SEC22B: variants seen among roughly 807,000 people sequenced by gnomAD.
SEC22B encodes SEC22 homolog B, vesicle trafficking protein.
A neutral mutation model predicts 31.4 loss-of-function variants in SEC22B; 10 were observed. The observed-to-expected ratio is 0.32, with a 90% CI of 0.20 to 0.54. The LOEUF (loss-of-function observed/expected upper bound fraction) is 0.54, where lower values mean the gene tolerates loss of function less well. Ranked by LOEUF, SEC22B falls within the 20% of genes least tolerant of loss-of-function variation. The pLI is 0.94. For synonymous variants in SEC22B, 60 were observed against 95.9 expected, an observed-to-expected ratio of 0.63 and a Z score of 2.19; for missense variants, 130 against 263.4, an observed-to-expected ratio of 0.49 and a Z score of 3.50.
At chr1:120,162,935 T>C (rs1657742814) in intron 3 of SEC22B, among the ~76,000 whole-genome samples, 1 of 152,138 alleles carries the variant, frequency 6.6e-6, no homozygotes, top group African/African-American at 2.4e-5. Context: ...TCCTGTCACA[T>C]GTGACTCTAA....
At chr1:120,157,521 T>C (rs1369050702) in intron 4 of SEC22B, 1 of 172,480 alleles carries the variant, frequency 5.8e-6, no homozygotes, top group Non-Finnish European at 1.2e-5. Flanking sequence ...TTGGGGATAA[T>C]AACAGTAACT....
rs1657625012 is a variant in SEC22B at position 120,156,253 on chromosome 1, C to T, written c.*785G>A. On this transcript the variant is annotated 3_prime_UTR_variant, in exon 5 of 5. Transcript: ENST00000578049. ...GGGGCCTCTCCATATCCTATACTTGCTCTTACGCTAATAACAAACCAAATG... is the reference window on the plus strand; with the variant it reads ...GGGGCCTCTCCATATCCTATACTTGTTCTTACGCTAATAACAAACCAAATG... 1 of 152,236 alleles carries T rather than the reference C, an allele frequency of 6.6e-6. No individual in the cohort carries two copies. Among genetic ancestry groups the T allele is most frequent in the African/African-American group, 2.4e-5 (1 of 41,406 alleles). The allele number at this position is 152,236 out of a possible 1,614,324, so 9.4% of individuals were successfully genotyped here.
intron 2 of SEC22B, among the ~76,000 whole-genome samples, chr1:120,166,764 T>G (rs1459383129): frequency 4.0e-5 from 6 of 149,412 alleles, no homozygotes; most frequent in Non-Finnish European, 8.9e-5. Context: ...TTACCACGTA[T>G]TTTCAAAAAG....
intron 2 of SEC22B, among the ~76,000 whole-genome samples, chr1:120,164,644 C>T (rs1487906666): frequency 0.024 from 3,615 of 151,466 alleles, 37 homozygotes; most frequent in African/African-American, 0.084. Context: ...TGTATATATA[C>T]TACATTTTCT....
At position 120,176,278 on chromosome 1, in the gene SEC22B, GGGTCGCGGGTCGTGAGTAAGCA is replaced by G. The variant is rs1657961832; in HGVS notation, c.75+7_75+28del. On this transcript the variant is annotated splice_region_variant and intron_variant, in intron 1 of 4. Transcript: ENST00000578049. Reference sequence around the variant, plus strand: ...GGCAAAGCGCGCTGACAGAGACTTGGGGTCGCGGGTCGTGAGTAAGCAGCTCACCTGTTCGTCCTCCTGCATC... The same window carrying G: ...GGCAAAGCGCGCTGACAGAGACTTGGGCTCACCTGTTCGTCCTCCTGCATC... 1 of 1,600,154 alleles carries G rather than the reference GGGTCGCGGGTCGTGAGTAAGCA, an allele frequency of 6.2e-7. No homozygotes were observed. The highest frequency in any genetic ancestry group is 8.5e-7 in the Non-Finnish European group (1 of 1,176,498).
At chr1:120,168,369 ATAAC>A (rs1478220851) in intron 2 of SEC22B, among the ~76,000 whole-genome samples, 2 of 152,174 alleles carry the variant, frequency 1.3e-5, no homozygotes, top group Non-Finnish European at 2.9e-5. Flanking sequence ...CAAAATAATA[ATAAC>A]TAATAATTAT....
chr1:120,155,920 AC>A lies in SEC22B; in HGVS notation c.*1117del, dbSNP rs1657621409. 1 of 151,630 alleles carries A rather than the reference AC, an allele frequency of 6.6e-6. No individual in the cohort carries two copies. Among genetic ancestry groups the A allele is most frequent in the Non-Finnish European group, 1.5e-5 (1 of 67,740 alleles). 9.4% of individuals were successfully genotyped at this position (151,630 alleles called of 1,614,324 possible). On this transcript the variant is annotated 3_prime_UTR_variant, in exon 5 of 5. Transcript: ENST00000578049. ...TCTCAGAGAATTTACACGAACTAAA[AC>A]AGGAATGAAGTGCTCTCAGAGACTT...
Position 120,151,745 on chromosome 1 carries a change from G to A in SEC22B, c.*5293C>T, listed in dbSNP as rs1657543878. 6.6e-6 allele frequency: 1 copy of A among 151,806 alleles called. No individual in the cohort carries two copies. The highest frequency in any genetic ancestry group is 1.9e-4 in the East Asian group (1 of 5,166). The allele number at this position is 151,806 out of a possible 1,614,324, so 9.4% of individuals were successfully genotyped here. A position where few individuals can be genotyped will look rare whatever the true frequency, so the allele number is the denominator to read the frequency against. On this transcript the variant is annotated 3_prime_UTR_variant, in exon 5 of 5. Transcript: ENST00000578049. ...GGACATGTGTAACAAAATCAGTAAG[G>A]AGGGTACTCCAAGAATCCATGTTAA...
intron 1 of SEC22B, among the ~76,000 whole-genome samples, chr1:120,169,555 A>T (rs1279971388): frequency 1.3e-5 from 2 of 152,176 alleles, no homozygotes; most frequent in African/African-American, 2.4e-5. Context: ...AAAAGTTTGA[A>T]TATCGAGGGA....
chr1:120,176,290 G>C lies in SEC22B; in HGVS notation c.75+17C>G. ...TGACAGAGACTTGGGGTCGCGGGTCGTGAGTAAGCAGCTCACCTGTTCGTC... is the reference window on the plus strand; with the variant it reads ...TGACAGAGACTTGGGGTCGCGGGTCCTGAGTAAGCAGCTCACCTGTTCGTC... On this transcript the variant is annotated intron_variant, in intron 1 of 4. Transcript: ENST00000578049. The C allele has an allele frequency of 3.7e-6, 6 of 1,606,524 alleles. No individual in the cohort carries two copies. In the South Asian group the frequency reaches 6.6e-5, roughly 18 times the overall value.
chr1:120,161,550 C>G (rs1218372867), intron 3 of SEC22B, among the ~76,000 whole-genome samples: 3 of 152,172 alleles, frequency 2.0e-5, no homozygotes, highest in African/African-American at 7.2e-5. Flanking sequence ...CCGAAATTAG[C>G]TAGCTGGTCA....
intron 3 of SEC22B, among the ~76,000 whole-genome samples, chr1:120,160,890 T>C (rs1657705103): frequency 7.4e-6 from 1 of 135,566 alleles, no homozygotes; most frequent in South Asian, 2.3e-4. Flanking sequence ...AGACTCTGTC[T>C]CAAAAACAAA....
intron 1 of SEC22B, among the ~76,000 whole-genome samples, chr1:120,170,939 CTTTAA>C (rs1342843335): frequency 7.9e-6 from 1 of 125,834 alleles, no homozygotes; most frequent in Admixed American, 7.2e-5. Flanking sequence ...ATGCAAATTT[CTTTAA>C]TTTAATAAAA....
chr1:120,163,838 A>G (rs1202465900), intron 2 of SEC22B, among the ~76,000 whole-genome samples: 2 of 151,482 alleles, frequency 1.3e-5, no homozygotes, highest in East Asian at 1.9e-4. Context: ...TCAGCCTCCC[A>G]AAGTGCTGGG....
chr1:120,165,652 C>T (rs1158459532), intron 2 of SEC22B, among the ~76,000 whole-genome samples: 14 of 151,902 alleles, frequency 9.2e-5, no homozygotes, highest in South Asian at 2.1e-4. Context: ...TGTCTCTTCA[C>T]TGTGTTGTTT....
In SEC22B at chr1:120,154,154, T is replaced by G. The variant is rs1350563548; in HGVS notation, c.*2884A>C. ...TGCTCTGGAATTACTTCTGCCTGTA[T>G]GATTAAGTTCCTCATTGTTAAATTC... On this transcript the variant is annotated 3_prime_UTR_variant, in exon 5 of 5. Transcript: ENST00000578049. 6.6e-6 allele frequency: 1 copy of G among 152,096 alleles called. No homozygotes were observed. The highest frequency in any genetic ancestry group is 2.4e-5 in the African/African-American group (1 of 41,428). The allele number at this position is 152,096 out of a possible 1,614,324, so 9.4% of individuals were successfully genotyped here. A position where few individuals can be genotyped will look rare whatever the true frequency, so the allele number is the denominator to read the frequency against.
chr1:120,171,072 T>G lies in SEC22B; in HGVS notation c.76-2123A>C, dbSNP rs1403027824. ...CAACATAGATCGGTGATTTTCAACC[T>G]TGGCTTCACAATAGAATCATTTGGG... On this transcript the variant is annotated intron_variant, in intron 1 of 4. Transcript: ENST00000578049. Among the ~76,000 whole-genome samples, 27 of 131,702 alleles carry G rather than the reference T, an allele frequency of 2.1e-4. 1 individual carries two copies. Among genetic ancestry groups the G allele is most frequent in the Non-Finnish European group, 2.8e-4 (19 of 66,682 alleles). 86.4% of individuals were successfully genotyped at this position (131,702 alleles called of 152,430 possible).
intron 2 of SEC22B, among the ~76,000 whole-genome samples, chr1:120,168,588 C>T (rs1657848054): frequency 4.6e-5 from 7 of 150,898 alleles, no homozygotes; most frequent in Admixed American, 4.6e-4. Flanking sequence ...CAAGACAGTC[C>T]TAAAGCAAGA....
rs1657570210 is a variant in SEC22B, at chr1:120,153,009, T to C, written c.*4029A>G. ...TGAGAGAAAAAAGTATAGATTACTA[T>C]ATGGAAGTCAAATTTCTAGTGACTT... On this transcript the variant is annotated 3_prime_UTR_variant, in exon 5 of 5. Transcript: ENST00000578049. 2 of 149,570 alleles carry C rather than the reference T, an allele frequency of 1.3e-5. No individual in the cohort carries two copies. The highest frequency in any genetic ancestry group is 5.1e-5 in the African/African-American group (2 of 39,322). 9.3% of individuals were successfully genotyped at this position (149,570 alleles called of 1,614,324 possible).
Sources: allele counts gnomAD v4.1 joint callset (sites outside exome capture counted in the v4.1 genomes callset), GRCh38; gene constraint gnomAD v4.1.1; transcripts MANE v1.5; gene names NCBI Gene and HGNC (gene_info 2026-07-23, HGNC 2026-07-21).